The following GPC5 variants were observed in gnomAD, a reference collection of about 807,000 sequenced individuals.
GPC5 encodes the protein glypican 5, also known as glypican-5.
GPC5 carries 47 observed loss-of-function variants against 53.9 expected under a neutral mutation model. The ratio of observed to expected loss-of-function variants is 0.87; its 90% CI spans 0.69 to 1.11. The LOEUF (loss-of-function observed/expected upper bound fraction) is 1.11. GPC5 is among the 50% of genes most tolerant of loss of function. GPC5 has a pLI of 0.00. For missense variants in GPC5, 748 were observed against 713.1 expected, an observed-to-expected ratio of 1.05 and a Z score of -0.56; for synonymous variants, 286 against 263.3, an observed-to-expected ratio of 1.09 and a Z score of -0.84.
At chr13:92,720,944 G>C (rs1459264283) in intron 7 of GPC5, among the ~76,000 whole-genome samples, 1 of 152,064 alleles carries the variant, frequency 6.6e-6, no homozygotes, top group African/African-American at 2.4e-5. Flanking sequence ...GAATGGGCCT[G>C]ATTTGTGGCA....
At chr13:91,769,563 G>A (rs1359281269) in intron 5 of GPC5, among the ~76,000 whole-genome samples, 1 of 152,186 alleles carries the variant, frequency 6.6e-6, no homozygotes, top group Admixed American at 6.5e-5. Context: ...AATTTTCCAA[G>A]TAGAGAGAAT....
At chr13:92,069,595 G>A (rs1193719131) in intron 6 of GPC5, among the ~76,000 whole-genome samples, 1 of 151,978 alleles carries the variant, frequency 6.6e-6, no homozygotes, top group Admixed American at 6.6e-5. Context: ...TGAATAAAAG[G>A]TGGTACTACT....
intron 6 of GPC5, among the ~76,000 whole-genome samples, chr13:91,993,712 A>G (rs7992535): frequency 0.036 from 5,427 of 152,256 alleles, 266 homozygotes; most frequent in African/African-American, 0.11. Flanking sequence ...TTTATAGGTG[A>G]AAGACCGATT....
intron 5 of GPC5, among the ~76,000 whole-genome samples, chr13:91,897,602 C>T (rs778567245): frequency 8.6e-5 from 13 of 151,976 alleles, no homozygotes; most frequent in Non-Finnish European, 1.6e-4. Flanking sequence ...ATTCATAGAG[C>T]GTTGGTGATG....
At chr13:92,192,426 A>G (rs556615365) in intron 7 of GPC5, among the ~76,000 whole-genome samples, 1 of 152,160 alleles carries the variant, frequency 6.6e-6, no homozygotes, top group Non-Finnish European at 1.5e-5. Flanking sequence ...ATACATATGG[A>G]GCTCATTTTT....
At chr13:91,595,987 C>A (rs2139192357) in intron 2 of GPC5, among the ~76,000 whole-genome samples, 1 of 152,186 alleles carries the variant, frequency 6.6e-6, no homozygotes, top group Non-Finnish European at 1.5e-5. Context: ...TTTCCTTTTT[C>A]TCTTTGTAGT....
At chr13:92,064,762 A>AC (rs10675430) in intron 6 of GPC5, among the ~76,000 whole-genome samples, 82,456 of 139,236 alleles carry the variant, frequency 0.59, 27,540 homozygotes, top group East Asian at 0.83. Flanking sequence ...GTCTCAAAAA[A>AC]AAAAAACAAA....
intron 6 of GPC5, among the ~76,000 whole-genome samples, chr13:91,926,761 T>A (rs2039773464): frequency 6.6e-6 from 1 of 152,196 alleles, no homozygotes; most frequent in Non-Finnish European, 1.5e-5. Flanking sequence ...GAAAATAATC[T>A]CATCTACCAG....
chr13:92,653,283 G>A (rs1160411709), intron 7 of GPC5, among the ~76,000 whole-genome samples: 3 of 152,112 alleles, frequency 2.0e-5, no homozygotes, highest in Non-Finnish European at 4.4e-5. Context: ...CTGCTTTGGG[G>A]AAGGAAGTGG....
chr13:91,592,854 G>A (rs912243890), intron 2 of GPC5, among the ~76,000 whole-genome samples: 3 of 152,214 alleles, frequency 2.0e-5, no homozygotes, highest in Non-Finnish European at 4.4e-5. Flanking sequence ...GGGCTGGCAG[G>A]CAAGGGGCCT....
chr13:91,924,891 C>T (rs1055207923), intron 6 of GPC5, among the ~76,000 whole-genome samples: 4 of 150,172 alleles, frequency 2.7e-5, no homozygotes, highest in South Asian at 2.1e-4. Context: ...AGTGCAGTGG[C>T]TCACTGCAAG....
At position 92,528,680 on chromosome 13, in the gene GPC5, C is replaced by G. The variant is rs143149554; in HGVS notation, c.1562-337602C>G. Among the ~76,000 whole-genome samples the G allele has an allele frequency of 3.0e-3, 453 of 152,084 alleles. 2 individuals are homozygous for G. The highest frequency in any genetic ancestry group is 0.01 in the African/African-American group (424 of 41,524). On this transcript the variant is annotated intron_variant, in intron 7 of 7. Coordinates refer to ENST00000377067, the MANE Select transcript of GPC5 (RefSeq NM_004466.6). ...TGTTCTAAGGAAAGGAACTTTTGGA[C>G]TGTAACATGAATTTTAAATTTAATT...
Position 92,807,768 on chromosome 13 carries a change from A to G in GPC5, c.1562-58514A>G, listed in dbSNP as rs539409975. Among the ~76,000 whole-genome samples, 3 of 152,244 alleles carry G rather than the reference A, an allele frequency of 2.0e-5. No individual in the cohort carries two copies. The South Asian group carries it at 6.2e-4, about 32-fold the overall frequency. On this transcript the variant is annotated intron_variant, in intron 7 of 7. Coordinates refer to ENST00000377067, the MANE Select transcript of GPC5 (RefSeq NM_004466.6). ...TTTATTGTTAAATTGGAATAGTAAC[A>G]CAATTTTTAAAAGACACAGTGCGAC...
intron 7 of GPC5, among the ~76,000 whole-genome samples, chr13:92,797,328 T>A (rs1876721761): frequency 6.6e-6 from 1 of 151,948 alleles, no homozygotes; most frequent in Non-Finnish European, 1.5e-5. Context: ...TATGAATTTA[T>A]TCTCTGTTAC....
At chr13:92,268,551 C>G (rs2042818041) in intron 7 of GPC5, among the ~76,000 whole-genome samples, 1 of 151,612 alleles carries the variant, frequency 6.6e-6, no homozygotes, top group Non-Finnish European at 1.5e-5. Flanking sequence ...TTAACCAGCT[C>G]TATATGATGG....
At chr13:92,763,342 T>C (rs1875265941) in intron 7 of GPC5, among the ~76,000 whole-genome samples, 1 of 150,296 alleles carries the variant, frequency 6.7e-6, no homozygotes, top group Non-Finnish European at 1.5e-5. Flanking sequence ...GATGAAGGGG[T>C]ACAGCTTCCA....
intron 5 of GPC5, among the ~76,000 whole-genome samples, chr13:91,806,310 C>T (rs2038220697): frequency 6.6e-6 from 1 of 151,990 alleles, no homozygotes; most frequent in South Asian, 2.1e-4. Flanking sequence ...GGTAGGATTA[C>T]AGGCATGAGC....
chr13:92,559,298 G>C (rs1014554463), intron 7 of GPC5, among the ~76,000 whole-genome samples: 1 of 151,260 alleles, frequency 6.6e-6, no homozygotes, highest in Non-Finnish European at 1.5e-5. Flanking sequence ...CAGCTACCCT[G>C]ACTTCCTTCA....
intron 7 of GPC5, among the ~76,000 whole-genome samples, chr13:92,346,066 G>A (rs1440601295): frequency 1.3e-5 from 2 of 152,052 alleles, no homozygotes; most frequent in African/African-American, 4.8e-5. Flanking sequence ...CCCTGCCCAG[G>A]CAGGGACACT....
Sources: gnomAD v4.1 joint callset for allele counts (sites outside exome capture counted in the v4.1 genomes callset) on GRCh38, gnomAD v4.1.1 for gene constraint, MANE v1.5 for transcripts, NCBI Gene and HGNC (gene_info 2026-07-23, HGNC 2026-07-21) for gene names.